Variants in SAMM50 observed in about 807,000 individuals in gnomAD.
The protein encoded by SAMM50 is SAMM50 sorting and assembly machinery component, also known as sorting and assembly machinery component 50 homolog.
SAMM50 carries 47 observed loss-of-function variants against 66.9 expected under a neutral mutation model. The observed-to-expected ratio is 0.70, with a 90% CI of 0.56 to 0.90. The LOEUF (loss-of-function observed/expected upper bound fraction) is 0.90. Ranked by LOEUF, SAMM50 falls within the 40% of genes least tolerant of loss-of-function variation. The pLI is 0.00. For synonymous variants in SAMM50, 191 were observed against 214.1 expected, an observed-to-expected ratio of 0.89 and a Z score of 0.94; for missense variants, 535 against 595.3, an observed-to-expected ratio of 0.90 and a Z score of 1.05.
intron 12 of SAMM50, among the ~76,000 whole-genome samples, chr22:43,986,028 A>ATTTT (rs2050290623): frequency 1.6e-5 from 2 of 127,308 alleles, no homozygotes; most frequent in African/African-American, 3.1e-5. Context: ...TTATTTATTT[A>ATTTT]TTTTTTCTTT....
At chr22:43,977,655 C>T (rs1356121057) in intron 9 of SAMM50, among the ~76,000 whole-genome samples, 1 of 152,206 alleles carries the variant, frequency 6.6e-6, no homozygotes, top group African/African-American at 2.4e-5. Flanking sequence ...AGCCAGAGGG[C>T]AGCCTCTGCA....
intron 14 of SAMM50, among the ~76,000 whole-genome samples, chr22:43,991,363 G>T (rs2146829001): frequency 7.0e-6 from 1 of 143,002 alleles, no homozygotes; most frequent in African/African-American, 2.6e-5. Context: ...CTGCAGCCTT[G>T]ACCTCCTGGG....
intron 3 of SAMM50, among the ~76,000 whole-genome samples, chr22:43,965,021 G>A (rs1437172870): frequency 1.3e-5 from 2 of 151,908 alleles, no homozygotes; most frequent in Non-Finnish European, 2.9e-5. Context: ...CATCTCCACT[G>A]TGGGTGGTTT....
At chr22:43,968,290 T>C (rs553045967) in intron 3 of SAMM50, among the ~76,000 whole-genome samples, 1 of 122,108 alleles carries the variant, frequency 8.2e-6, no homozygotes, top group Non-Finnish European at 1.8e-5. Context: ...AAGAAATGAA[T>C]AGAAAATTGA....
At chr22:43,956,663 C>A (rs569083540) in intron 1 of SAMM50, among the ~76,000 whole-genome samples, 1 of 152,174 alleles carries the variant, frequency 6.6e-6, no homozygotes, top group African/African-American at 2.4e-5. Flanking sequence ...GGAGTTTGGA[C>A]CTCATGTTTT....
At chr22:43,985,789 C>T (rs924025111) in intron 12 of SAMM50, among the ~76,000 whole-genome samples, 1 of 151,876 alleles carries the variant, frequency 6.6e-6, no homozygotes, top group Non-Finnish European at 1.5e-5. Flanking sequence ...AGCTGCCAGG[C>T]GAGCTTCCGG....
rs113373406 is a variant in SAMM50, at chr22:43,973,289, G to A, written c.614G>A (p.Arg205Gln). 10 of 1,607,696 alleles carry A rather than the reference G, an allele frequency of 6.2e-6. No homozygotes were observed. Among genetic ancestry groups the A allele is most frequent in the South Asian group, 4.4e-5 (4 of 90,900 alleles). ...GGACAGTTCCCTTGGAGCTCACTGC[G>A]GGAGACGGACAGAGGAATGTCAGCT... is the stretch of plus-strand genomic sequence containing the variant. ...VTGQFPWSSL[R>Q]ETDRGMSAEY... The change falls in exon 7 of 15, where the codon CGG becomes CAG. Residue 205 changes from arginine (R) to glutamine (Q), a missense_variant. By Grantham distance (43) the Arg-to-Gln change is conservative. Transcript: ENST00000350028.
At chr22:43,971,081 T>G (rs112801648) in intron 4 of SAMM50, among the ~76,000 whole-genome samples, 3,332 of 152,074 alleles carry the variant, frequency 0.022, 56 homozygotes, top group Middle Eastern at 0.037. Context: ...GGCAGGAGAA[T>G]TGCTTGAACC....
rs113535562 is a variant in SAMM50 at position 43,981,842 on chromosome 22, A to C, written c.1007+381A>C. ...ATATGTTTCATTATTTGCATATACC[A>C]TAACTTTTTAGCCTACCGTGTATTT... On this transcript the variant is annotated intron_variant, in intron 11 of 14. Transcript: ENST00000350028. 9.4e-3 allele frequency among the ~76,000 whole-genome samples: 1,435 copies of C among 152,338 alleles called. 24 individuals are homozygous for C. The highest frequency in any genetic ancestry group is 0.033 in the African/African-American group (1,366 of 41,592).
chr22:43,965,053 G>A (rs375354993), intron 3 of SAMM50, among the ~76,000 whole-genome samples: 8 of 151,950 alleles, frequency 5.3e-5, no homozygotes, highest in East Asian at 1.9e-4. Context: ...CTGCCCGTGG[G>A]ACCATATTGA....
intron 1 of SAMM50, among the ~76,000 whole-genome samples, chr22:43,959,408 T>C (rs1037768503): frequency 1.3e-5 from 2 of 152,072 alleles, no homozygotes; most frequent in Non-Finnish European, 2.9e-5. Flanking sequence ...ACCCGCTGCC[T>C]TGCACATGGT....
At chr22:43,974,397 C>T (rs1189044782) in intron 7 of SAMM50, among the ~76,000 whole-genome samples, 1 of 152,192 alleles carries the variant, frequency 6.6e-6, no homozygotes, top group African/African-American at 2.4e-5. Context: ...TCTCCCAGGG[C>T]CGTTGTGAGG....
At chr22:43,988,837 T>TA (rs1481313461) in intron 12 of SAMM50, 2 of 312,414 alleles carry the variant, frequency 6.4e-6, no homozygotes, top group Non-Finnish European at 1.2e-5. Flanking sequence ...ATTTCACAGA[T>TA]ACGATGAATG....
chr22:43,978,635 AAT>A, intron 10 of SAMM50, among the ~76,000 whole-genome samples: 1 of 150,770 alleles, frequency 6.6e-6, no homozygotes, highest in African/African-American at 2.5e-5. Flanking sequence ...TGCTTTCAGA[AAT>A]TTTTTTTTTT....
intron 4 of SAMM50, among the ~76,000 whole-genome samples, chr22:43,970,893 G>C (rs537660294): frequency 6.6e-6 from 1 of 152,286 alleles, no homozygotes; most frequent in Non-Finnish European, 1.5e-5. Flanking sequence ...GGTGCCAGGC[G>C]GGGTGGCTCA....
At chr22:43,989,035 C>T in intron 12 of SAMM50, 76 bp from the exon 13 acceptor site, 1 of 1,483,296 alleles carries the variant, frequency 6.7e-7, no homozygotes, top group Non-Finnish European at 9.2e-7. Flanking sequence ...AATCTTGCTT[C>T]TGTAAGTTGT....
intron 13 of SAMM50, 33 bp from the exon 14 acceptor site, chr22:43,990,222 AGGACGGGCAC>A: frequency 1.2e-6 from 2 of 1,609,354 alleles, no homozygotes; most frequent in Non-Finnish European, 1.7e-6. Context: ...AGAGCTTGGA[AGGACGGGCAC>A]GCACTGTTGC....
intron 7 of SAMM50, among the ~76,000 whole-genome samples, chr22:43,973,730 G>A (rs375672681): frequency 5.9e-5 from 9 of 152,060 alleles, no homozygotes; most frequent in Non-Finnish European, 1.0e-4. Flanking sequence ...CCGCCTCCCC[G>A]GTTCAAGTGA....
intron 1 of SAMM50, among the ~76,000 whole-genome samples, chr22:43,959,414 A>G (rs1306681535): frequency 1.3e-5 from 2 of 152,052 alleles, no homozygotes; most frequent in South Asian, 2.1e-4. Flanking sequence ...TGCCTTGCAC[A>G]TGGTGCTCAA....
Sources: allele counts gnomAD v4.1 joint callset (sites outside exome capture counted in the v4.1 genomes callset), GRCh38; gene constraint gnomAD v4.1.1; transcripts MANE v1.5; gene names NCBI Gene and HGNC (gene_info 2026-07-23, HGNC 2026-07-21).